Variants in NCOR2 observed in about 807,000 individuals in gnomAD.
NCOR2 encodes nuclear receptor corepressor 2, also known as CTG repeat protein 26.
In NCOR2, 81 loss-of-function variants were observed where a neutral mutation model predicts 262.9. The ratio of observed to expected loss-of-function variants is 0.31; its 90% CI spans 0.26 to 0.37. The LOEUF (loss-of-function observed/expected upper bound fraction) is 0.37, where lower values mean the gene tolerates loss of function less well. Ranked by LOEUF, NCOR2 falls within the 10% of genes least tolerant of loss-of-function variation. The probability of loss-of-function intolerance (pLI) is 1.00; values close to 1 mark genes in which losing one functional copy is unlikely to be tolerated. For synonymous variants in NCOR2, 1,659 were observed against 1,559.3 expected (o/e 1.06, Z -1.51); for missense variants, 3,385 against 3,621.4 (o/e 0.93, Z 1.68).
intron 4 of NCOR2, among the ~76,000 whole-genome samples, chr12:124,466,703 CA>C (rs745903095): frequency 3.9e-4 from 60 of 152,058 alleles, no homozygotes; most frequent in Admixed American, 1.1e-3. Context: ...ACGGTTCCTA[CA>C]GGCAGCATCA....
intron 1 of NCOR2, among the ~76,000 whole-genome samples, chr12:124,521,275 A>G (rs2050170578): frequency 1.3e-5 from 2 of 152,208 alleles, no homozygotes; most frequent in Admixed American, 1.3e-4. Context: ...GGCAGGAGAA[A>G]GAGACAGCAC....
rs148351058 is a variant in NCOR2 at position 124,522,539 on chromosome 12, C to T, written c.-118+13026G>A. 1.4e-4 allele frequency among the ~76,000 whole-genome samples: 21 copies of T among 152,358 alleles called. 1 individual carries two copies. Among genetic ancestry groups the T allele is most frequent in the African/African-American group, 5.0e-4 (21 of 41,586 alleles). On this transcript the variant is annotated intron_variant, in intron 1 of 46. Transcript: ENST00000404621. ...AACACTTGTCATTGGATTTAGGGCC[C>T]ATCCTATTCCAGGATGATCCCATCT... is the stretch of plus-strand genomic sequence containing the variant.
At chr12:124,329,162 A>G (rs1049899279) in intron 44 of NCOR2, 1 of 469,820 alleles carries the variant, frequency 2.1e-6, no homozygotes, top group African/African-American at 2.0e-5. Flanking sequence ...CTAAAACTGC[A>G]TAAAAAGAAA....
At chr12:124,372,365 C>A (rs1204699305) in exon 20 of NCOR2, 17 of 1,513,022 alleles carry the variant, frequency 1.1e-5, no homozygotes, top group Non-Finnish European at 1.3e-5. Flanking sequence ...TCCTTGGGGA[C>A]CACAGGAGGA....
Position 124,389,194 on chromosome 12 carries a change from G to A in NCOR2, c.1877-3307C>T, listed in dbSNP as rs565946582. On this transcript the variant is annotated intron_variant, in intron 16 of 46. Transcript: ENST00000405201. The surrounding 1 kb of genome is among the most constrained non-coding windows in gnomAD (Gnocchi z 4.4). ...GTGCGGACGCTCAGCGAGCAATGCCGGCCAGAGCCCACAGACCCCCGGGCC... is the reference window on the plus strand; with the variant it reads ...GTGCGGACGCTCAGCGAGCAATGCCAGCCAGAGCCCACAGACCCCCGGGCC... Among the ~76,000 whole-genome samples the A allele has an allele frequency of 3.3e-5, 5 of 152,362 alleles. No homozygotes were observed. The South Asian group carries it at 6.2e-4, about 19-fold the overall frequency.
chr12:124,522,475 G>A (rs711158), intron 1 of NCOR2, among the ~76,000 whole-genome samples: 34,884 of 152,084 alleles, frequency 0.23, 4,596 homozygotes, highest in Non-Finnish European at 0.31. Flanking sequence ...CGTTCCTTCC[G>A]TCTTCACGTG....
At chr12:124,363,736 G>C in exon 21 of NCOR2, 2 of 1,406,564 alleles carry the variant, frequency 1.4e-6, no homozygotes, top group Non-Finnish European at 1.9e-6. Context: ...GTGGCTTCTG[G>C]GGTGAGGCAT....
At chr12:124,333,164 G>A in exon 42 of NCOR2, 1 of 1,612,388 alleles carries the variant, frequency 6.2e-7, no homozygotes, top group South Asian at 1.1e-5. Flanking sequence ...CGGTACAGCA[G>A]CGGGTACACA....
chr12:124,465,918 G>A (rs915011676), intron 5 of NCOR2, among the ~76,000 whole-genome samples: 1 of 152,198 alleles, frequency 6.6e-6, no homozygotes, highest in Non-Finnish European at 1.5e-5. Flanking sequence ...CCTCTGTTTT[G>A]TGTTGCATCC....
At chr12:124,339,219 A>ACCAACCC (rs1566363037) in intron 37 of NCOR2, among the ~76,000 whole-genome samples, 1 of 63,316 alleles carries the variant, frequency 1.6e-5, no homozygotes. Context: ...TCTACCTACC[A>ACCAACCC]CCCACCCACC....
chr12:124,564,984 T>C (rs996948092), intron 1 of NCOR2, among the ~76,000 whole-genome samples: 7 of 151,630 alleles, frequency 4.6e-5, no homozygotes, highest in Admixed American at 1.3e-4. Context: ...AATTCGTGTT[T>C]GCAGAGCTCT....
intron 1 of NCOR2, among the ~76,000 whole-genome samples, chr12:124,521,758 T>G (rs1378964421): frequency 6.6e-6 from 1 of 152,186 alleles, no homozygotes; most frequent in Non-Finnish European, 1.5e-5. Flanking sequence ...GATGTGAATT[T>G]CACCTCAACT....
intron 1 of NCOR2, among the ~76,000 whole-genome samples, chr12:124,543,590 C>A (rs985624948): frequency 6.6e-6 from 1 of 152,338 alleles, no homozygotes; most frequent in East Asian, 1.9e-4. Flanking sequence ...GAAACCTCGC[C>A]GCCCCTCTCC....
intron 15 of NCOR2, 46 bp from the exon 18 acceptor site, chr12:124,398,227 C>T: frequency 6.2e-7 from 1 of 1,603,968 alleles, no homozygotes; most frequent in Non-Finnish European, 8.5e-7. Context: ...GGAGAGGAGG[C>T]ACTTTGCCTT....
intron 3 of NCOR2, among the ~76,000 whole-genome samples, chr12:124,473,596 A>AT (rs1371889419): frequency 3.3e-5 from 5 of 151,546 alleles, no homozygotes; most frequent in African/African-American, 7.3e-5. Flanking sequence ...ATATATATAT[A>AT]TTTTTTCTAT....
chr12:124,327,387 G>T (rs747361772), intron 45 of NCOR2, 22 bp downstream of exon 47: 1 of 1,570,486 alleles, frequency 6.4e-7, no homozygotes, highest in East Asian at 2.3e-5. Context: ...AGACGGGGGC[G>T]GGGCGGGGGT....
intron 8 of NCOR2, among the ~76,000 whole-genome samples, chr12:124,433,225 G>A (rs2044079677): frequency 6.6e-6 from 1 of 152,228 alleles, no homozygotes; most frequent in African/African-American, 2.4e-5. Context: ...CAGTTCTGGT[G>A]ACAGACAACG....
chr12:124,340,468 T>G (rs887983619), intron 35 of NCOR2, 25 bp from the exon 38 acceptor site: 40 of 1,607,152 alleles, frequency 2.5e-5, no homozygotes, highest in Admixed American at 1.3e-4. Flanking sequence ...GGCCAGAGAC[T>G]CAGCCCCAGG....
At position 124,503,821 on chromosome 12, in the gene NCOR2, T is replaced by G. The variant is rs1442791196; in HGVS notation, c.-117-8453A>C. Among the ~76,000 whole-genome samples, 1 of 152,138 alleles carries G rather than the reference T, an allele frequency of 6.6e-6. No homozygotes were observed. The highest frequency in any genetic ancestry group is 1.9e-4 in the East Asian group (1 of 5,196). On this transcript the variant is annotated intron_variant, in intron 1 of 46. Coordinates refer to the NCOR2 transcript ENST00000404621. The surrounding 1 kb of genome is among the most constrained non-coding windows in gnomAD (Gnocchi z 4.3). ...ACTCATCACCAGATGGGTATCAACT[T>G]AGCTGCTTCATTTTCCGGGTTTTTC...
Sources: gnomAD v4.1 joint callset for allele counts (sites outside exome capture counted in the v4.1 genomes callset) on GRCh38, gnomAD v4.1.1 for gene constraint, Gnocchi (gnomAD v3.1) non-coding constraint, MANE v1.5 for transcripts, NCBI Gene and HGNC (gene_info 2026-07-23, HGNC 2026-07-21) for gene names.